Variants in CTBP2 observed in about 807,000 individuals in gnomAD.
The protein encoded by CTBP2 is C-terminal-binding protein 2.
A neutral mutation model predicts 80.3 loss-of-function variants in CTBP2; 30 were observed. The ratio of observed to expected loss-of-function variants is 0.37; its 90% CI spans 0.28 to 0.51. The LOEUF (loss-of-function observed/expected upper bound fraction) is 0.51. Ranked by LOEUF, CTBP2 falls within the 20% of genes least tolerant of loss-of-function variation. CTBP2 has a pLI of 0.93. For synonymous variants in CTBP2, 594 were observed against 587.4 expected, an observed-to-expected ratio of 1.01 and a Z score of -0.16; for missense variants, 1,212 against 1,375.3, an observed-to-expected ratio of 0.88 and a Z score of 1.88.
intron 2 of CTBP2, among the ~76,000 whole-genome samples, chr10:125,099,695 G>A (rs1326732357): frequency 6.6e-6 from 1 of 152,248 alleles, no homozygotes; most frequent in African/African-American, 2.4e-5. Context: ...ATGGTGCCAA[G>A]CTACCAGGGG....
intron 2 of CTBP2, among the ~76,000 whole-genome samples, chr10:125,099,520 A>G (rs757805977): frequency 2.0e-5 from 3 of 152,118 alleles, no homozygotes; most frequent in Non-Finnish European, 2.9e-5. Flanking sequence ...CTGAACTCCA[A>G]CTGGAGCCAT....
chr10:125,024,773 A>G (rs1269136475), intron 1 of CTBP2, among the ~76,000 whole-genome samples: 5 of 152,258 alleles, frequency 3.3e-5, no homozygotes, highest in African/African-American at 1.2e-4. Context: ...TTTGACTGAG[A>G]GAGCAGGCAC....
chr10:125,158,534 T>A (rs1009638161), intron 1 of CTBP2: 1 of 152,182 alleles, frequency 6.6e-6, no homozygotes, highest in African/African-American at 2.4e-5. Flanking sequence ...AGAATTCTCT[T>A]GTCTATCCTT....
At chr10:125,059,239 C>T (rs752678281) in intron 2 of CTBP2, among the ~76,000 whole-genome samples, 1 of 152,024 alleles carries the variant, frequency 6.6e-6, no homozygotes, top group Non-Finnish European at 1.5e-5. Flanking sequence ...AGAAAATCAG[C>T]GATATGAAGG....
At chr10:125,039,324 C>T (rs1289648025) in intron 2 of CTBP2, among the ~76,000 whole-genome samples, 169 bp from the exon 3 acceptor site, 1 of 152,254 alleles carries the variant, frequency 6.6e-6, no homozygotes, top group Non-Finnish European at 1.5e-5. Context: ...AAGTGCATCT[C>T]AGCCGCCTCC....
At chr10:125,117,294 G>A (rs1853503359) in intron 1 of CTBP2, among the ~76,000 whole-genome samples, 1 of 152,108 alleles carries the variant, frequency 6.6e-6, no homozygotes, top group Non-Finnish European at 1.5e-5. Flanking sequence ...GGGGCTGCTG[G>A]GGGTAAAGAC....
Position 124,985,304 on chromosome 10 carries a change from GA to G in CTBP2, c.*4213del. 2 of 225,976 alleles carry G rather than the reference GA, an allele frequency of 8.9e-6. No individual in the cohort carries two copies. The highest frequency in any genetic ancestry group is 1.7e-5 in the Non-Finnish European group (2 of 116,444). 14.0% of individuals were successfully genotyped at this position (225,976 alleles called of 1,614,324 possible). ...GGTTGTGTAAGACATTGTTTAATAG[GA>G]AAAGTTGTACCAGCATCTTCATATT... On this transcript the variant is annotated 3_prime_UTR_variant, in exon 9 of 9. Transcript: ENST00000309035.
chr10:125,143,857 C>A (rs1364410396), intron 1 of CTBP2, among the ~76,000 whole-genome samples: 1 of 152,166 alleles, frequency 6.6e-6, no homozygotes, highest in Non-Finnish European at 1.5e-5. Context: ...ACTGCCAGGG[C>A]CCCAAAGACT....
upstream of CTBP2, among the ~76,000 whole-genome samples, chr10:125,161,375 TCCACGTGGGGTACCGGGCAGCCGG>T (rs1861881763): frequency 6.6e-6 from 1 of 151,906 alleles, no homozygotes; most frequent in East Asian, 2.0e-4. Context: ...CTCCGCCCCT[TCCACGTGGGGTACCGGGCAGCCGG>T]CCACGTGGGG....
intron 1 of CTBP2, among the ~76,000 whole-genome samples, chr10:125,024,091 C>T (rs4519051): frequency 6.6e-6 from 1 of 152,194 alleles, no homozygotes; most frequent in East Asian, 1.9e-4. Context: ...ACATTATCCT[C>T]CACACACACA....
intron 1 of CTBP2, among the ~76,000 whole-genome samples, chr10:125,011,489 C>T (rs1211102287): frequency 1.3e-5 from 2 of 152,188 alleles, no homozygotes; most frequent in Non-Finnish European, 2.9e-5. Context: ...TTCTCAGGCC[C>T]CCAAAAGCTT....
intron 3 of CTBP2, among the ~76,000 whole-genome samples, chr10:125,034,552 T>G (rs60389023): frequency 6.6e-6 from 1 of 152,250 alleles, no homozygotes. Flanking sequence ...ATAATTATAA[T>G]GTATAGCAAC....
At chr10:125,102,411 C>A (rs2135826235) in intron 2 of CTBP2, among the ~76,000 whole-genome samples, 1 of 152,354 alleles carries the variant, frequency 6.6e-6, no homozygotes, top group Non-Finnish European at 1.5e-5. Flanking sequence ...TTCTTCCTGG[C>A]CACATCAAAC....
chr10:125,015,915 CTGGG>C (rs1956432422), intron 1 of CTBP2, among the ~76,000 whole-genome samples: 1 of 152,164 alleles, frequency 6.6e-6, no homozygotes, highest in Admixed American at 6.5e-5. Flanking sequence ...ACACACGGGG[CTGGG>C]TGAGATTCTG....
At position 125,066,063 on chromosome 10, in the gene CTBP2, G is replaced by T. The variant is rs1844576341; in HGVS notation, c.-101-26908C>A. On this transcript the variant is annotated intron_variant, in intron 2 of 10. Coordinates refer to the CTBP2 transcript ENST00000337195. This position sits in a 1 kb window ranked among gnomAD's most constrained non-coding sequence, Gnocchi z 4.1. ...TTACAGTGAGCCCTGATTGTGCCAT[G>T]GCACTCTAGCCAAAAAAAAAAAGCC... Among the ~76,000 whole-genome samples the T allele has an allele frequency of 6.8e-6, 1 of 146,542 alleles. No individual in the cohort carries two copies. The highest frequency in any genetic ancestry group is 1.5e-5 in the Non-Finnish European group (1 of 67,092).
intron 2 of CTBP2, among the ~76,000 whole-genome samples, chr10:125,077,198 A>G (rs1490986109): frequency 2.0e-5 from 3 of 152,360 alleles, no homozygotes; most frequent in Non-Finnish European, 1.5e-5. Flanking sequence ...AAATGTCGCT[A>G]TTGTAAGCGG....
intron 1 of CTBP2, among the ~76,000 whole-genome samples, chr10:125,018,100 T>C (rs1956675295): frequency 6.6e-6 from 1 of 152,244 alleles, no homozygotes; most frequent in African/African-American, 2.4e-5. Context: ...GCACCGTGCC[T>C]GAGGATCATC....
Position 125,100,184 on chromosome 10 carries a change from T to C in CTBP2, c.-102+10806A>G, listed in dbSNP as rs1342467187. Among the ~76,000 whole-genome samples, 6 of 152,308 alleles carry C rather than the reference T, an allele frequency of 3.9e-5. No individual in the cohort carries two copies. In the East Asian group the frequency reaches 5.8e-4, roughly 15 times the overall value. Reference sequence around the variant, plus strand: ...CCTTGACAGATCATAAAGACCAAAATGTAACGCTCATGTTTGAATTGACAA... The same window carrying C: ...CCTTGACAGATCATAAAGACCAAAACGTAACGCTCATGTTTGAATTGACAA... On this transcript the variant is annotated intron_variant, in intron 2 of 10. Coordinates refer to the CTBP2 transcript ENST00000337195.
At chr10:125,137,920 G>C (rs1177333506) in intron 1 of CTBP2, 2 of 152,230 alleles carry the variant, frequency 1.3e-5, no homozygotes, top group African/African-American at 4.8e-5. Context: ...CCTCTGAGAA[G>C]ACTCAGATGC....
Sources: allele counts gnomAD v4.1 joint callset (sites outside exome capture counted in the v4.1 genomes callset), GRCh38; gene constraint gnomAD v4.1.1; non-coding constraint Gnocchi (gnomAD v3.1); transcripts MANE v1.5; gene names NCBI Gene and HGNC (gene_info 2026-07-23, HGNC 2026-07-21).